RIT2: variants seen among roughly 807,000 people sequenced by gnomAD.
The protein encoded by RIT2 is Ras like without CAAX 2, also known as GTP-binding protein Rit2.
In RIT2, 24 loss-of-function variants were observed where a neutral mutation model predicts 23.7. The observed-to-expected ratio is 1.01, with a 90% CI of 0.73 to 1.43. The LOEUF (loss-of-function observed/expected upper bound fraction) is 1.43. RIT2 is among the 40% of genes most tolerant of loss of function. RIT2 has a pLI of 0.00. For synonymous variants in RIT2, 107 were observed against 91.1 expected, an observed-to-expected ratio of 1.17 and a Z score of -0.99; for missense variants, 236 against 266.9, an observed-to-expected ratio of 0.88 and a Z score of 0.81.
chr18:42,941,567 T>C (rs1204958625), intron 3 of RIT2, among the ~76,000 whole-genome samples: 2 of 152,156 alleles, frequency 1.3e-5, no homozygotes, highest in African/African-American at 2.4e-5. Context: ...AACAAATGTT[T>C]TCTAGAGAAA....
Position 42,804,561 on chromosome 18 carries a change from TAAAAAA to T in RIT2, c.427-60847_427-60842del, listed in dbSNP as rs564202513. 4.7e-4 allele frequency among the ~76,000 whole-genome samples: 25 copies of T among 52,846 alleles called. 1 individual carries two copies. Among genetic ancestry groups the T allele is most frequent in the African/African-American group, 1.6e-3 (24 of 14,636 alleles). 34.7% of individuals were successfully genotyped at this position (52,846 alleles called of 152,430 possible). On this transcript the variant is annotated intron_variant, in intron 4 of 4. Transcript: ENST00000326695. ...CAAGAGTGAAACTGTGCCTCAAAAC[TAAAAAA>T]AAAAAAAAAAAAAAAAAAATTGAAA...
intron 4 of RIT2, among the ~76,000 whole-genome samples, chr18:42,858,168 G>A (rs571114581): frequency 2.8e-4 from 43 of 152,268 alleles, no homozygotes; most frequent in African/African-American, 1.0e-3. Flanking sequence ...GCGAAAGAAT[G>A]AGACTCTGTC....
chr18:42,876,782 CT>C (rs1356645581), intron 4 of RIT2, among the ~76,000 whole-genome samples: 1 of 151,646 alleles, frequency 6.6e-6, no homozygotes, highest in African/African-American at 2.4e-5. Flanking sequence ...CATTATGCCC[CT>C]ATAGGTACAT....
In RIT2 at chr18:42,806,100, A is replaced by AATAT. The variant is rs58214096; in HGVS notation, c.427-62384_427-62381dup. On this transcript the variant is annotated intron_variant, in intron 4 of 4. Transcript: ENST00000326695. ...TCAAAAGTGGAGATTTAATAAAATT[A>AATAT]ATATATATATATATATATATATATA... 3.4e-3 allele frequency among the ~76,000 whole-genome samples: 471 copies of AATAT among 140,002 alleles called. 2 individuals are homozygous for AATAT. Among genetic ancestry groups the AATAT allele is most frequent in the East Asian group, 0.012 (58 of 4,854 alleles). 91.8% of individuals were successfully genotyped at this position (140,002 alleles called of 152,430 possible).
At chr18:42,902,431 C>A (rs1276307988) in intron 4 of RIT2, among the ~76,000 whole-genome samples, 1 of 151,592 alleles carries the variant, frequency 6.6e-6, no homozygotes. Context: ...CCATAGGGAG[C>A]TTCAAAGTTA....
chr18:43,048,910 T>A (rs1222578010), intron 1 of RIT2, among the ~76,000 whole-genome samples: 1 of 152,188 alleles, frequency 6.6e-6, no homozygotes, highest in Non-Finnish European at 1.5e-5. Flanking sequence ...GTTTAATTAA[T>A]GAATTAGTAG....
intron 4 of RIT2, among the ~76,000 whole-genome samples, chr18:42,917,014 T>C (rs1329736506): frequency 6.6e-6 from 1 of 152,124 alleles, no homozygotes; most frequent in South Asian, 2.1e-4. Context: ...AATGTATGCC[T>C]ACACTTAACT....
intron 4 of RIT2, among the ~76,000 whole-genome samples, chr18:42,763,834 T>C (rs1913360701): frequency 6.6e-6 from 1 of 152,198 alleles, no homozygotes. Context: ...AATTGTTTTA[T>C]TTTTTATTTT....
At chr18:43,106,273 C>T (rs908085402) in intron 1 of RIT2, among the ~76,000 whole-genome samples, 7 of 152,126 alleles carry the variant, frequency 4.6e-5, no homozygotes, top group Non-Finnish European at 8.8e-5. Flanking sequence ...TGTGAATGCA[C>T]GCAGATTTAT....
chr18:42,954,374 C>CA (rs200231977), intron 3 of RIT2, among the ~76,000 whole-genome samples: 925 of 85,840 alleles, frequency 0.011, 5 homozygotes, highest in Middle Eastern at 0.062. Flanking sequence ...ATTTCCAACT[C>CA]AAAAAAAAAA....
chr18:42,901,596 T>C (rs1381169708), intron 4 of RIT2, among the ~76,000 whole-genome samples: 2 of 152,040 alleles, frequency 1.3e-5, no homozygotes, highest in African/African-American at 4.8e-5. Context: ...GAATATGATA[T>C]TTTGATATTG....
rs34072626 is a variant in RIT2, at chr18:43,038,204, C to CA, written c.104-4338dup. 2.5e-4 allele frequency among the ~76,000 whole-genome samples: 30 copies of CA among 119,704 alleles called. 2 individuals carry two copies. Among genetic ancestry groups the CA allele is most frequent in the Admixed American group, 1.1e-3 (12 of 11,420 alleles). The allele number at this position is 119,704 out of a possible 152,430, so 78.5% of individuals were successfully genotyped here. On this transcript the variant is annotated intron_variant, in intron 1 of 4. Transcript: ENST00000326695. ...TGGGCGACAGAGTGAGACTCTGTCT[C>CA]AAAAAAAAAAAAAAGCAGTTTCAGA...
At position 43,042,151 on chromosome 18, in the gene RIT2, G is replaced by A. The variant is rs9945407; in HGVS notation, c.104-8284C>T. On this transcript the variant is annotated intron_variant, in intron 1 of 4. Transcript: ENST00000326695. ...TGGGAAAAATGAGATTGGGAGACAG[G>A]TCACTAAGATTTAGCCCCATTTGTC... Among the ~76,000 whole-genome samples, 1,401 of 152,188 alleles carry A rather than the reference G, an allele frequency of 9.2e-3. 38 individuals carry two copies. The highest frequency in any genetic ancestry group is 0.032 in the African/African-American group (1,334 of 41,520).
intron 4 of RIT2, among the ~76,000 whole-genome samples, chr18:42,795,620 C>T (rs1418915119): frequency 2.6e-5 from 4 of 152,354 alleles, no homozygotes; most frequent in Admixed American, 6.5e-5. Flanking sequence ...ACTGCGGGCG[C>T]GGCACGGGAC....
intron 4 of RIT2, among the ~76,000 whole-genome samples, chr18:42,880,144 T>C (rs1250277365): frequency 3.3e-5 from 5 of 152,170 alleles, no homozygotes; most frequent in African/African-American, 1.2e-4. Context: ...AGAGGGATAA[T>C]AGTATAGTTG....
intron 4 of RIT2, among the ~76,000 whole-genome samples, chr18:42,898,522 A>T (rs1425571845): frequency 6.6e-6 from 1 of 152,204 alleles, no homozygotes; most frequent in African/African-American, 2.4e-5. Flanking sequence ...TGACATTATT[A>T]CTGTAACAAT....
At chr18:43,008,328 A>G (rs1332925430) in intron 2 of RIT2, among the ~76,000 whole-genome samples, 2 of 151,566 alleles carry the variant, frequency 1.3e-5, no homozygotes, top group Admixed American at 6.6e-5. Context: ...ACATATATTA[A>G]GAGAGTGGGG....
chr18:43,068,671 C>A (rs1022200275), intron 1 of RIT2, among the ~76,000 whole-genome samples: 4 of 151,934 alleles, frequency 2.6e-5, no homozygotes, highest in Non-Finnish European at 1.5e-5. Flanking sequence ...AATGTCTGCA[C>A]AATGTCTTCA....
At position 43,028,458 on chromosome 18, in the gene RIT2, G is replaced by A. The variant is rs144116645; in HGVS notation, c.160+5353C>T. Among the ~76,000 whole-genome samples the A allele has an allele frequency of 3.2e-3, 488 of 152,124 alleles. 5 individuals are homozygous for A. The highest frequency in any genetic ancestry group is 0.01 in the African/African-American group (436 of 41,550). The stretch of plus-strand genomic sequence containing the variant: ...CAAGCAAGAAGTTGTTACAGGATCC[G>A]TTTGGAAAGAAAATAAGGAGCCAGG... On this transcript the variant is annotated intron_variant, in intron 2 of 4. Coordinates refer to ENST00000326695, the MANE Select transcript of RIT2 (RefSeq NM_002930.4).
Sources: allele counts gnomAD v4.1 joint callset (sites outside exome capture counted in the v4.1 genomes callset), GRCh38; gene constraint gnomAD v4.1.1; transcripts MANE v1.5; gene names NCBI Gene and HGNC (gene_info 2026-07-23, HGNC 2026-07-21).